The following SCAMP1 variants were observed in gnomAD, a reference collection of about 807,000 sequenced individuals.
SCAMP1 encodes secretory carrier membrane protein 1.
In SCAMP1, 15 loss-of-function variants were observed where a neutral mutation model predicts 41.8. The observed-to-expected ratio is 0.36, with a 90% CI of 0.24 to 0.55. The LOEUF (loss-of-function observed/expected upper bound fraction) is 0.55, where lower values mean the gene tolerates loss of function less well. SCAMP1 is among the 20% of genes least tolerant of loss of function. The probability of loss-of-function intolerance (pLI) is 0.86; values close to 1 mark genes in which losing one functional copy is unlikely to be tolerated. For synonymous variants in SCAMP1, 135 were observed against 136.8 expected (o/e 0.99, Z 0.09); for missense variants, 341 against 412.6 (o/e 0.83, Z 1.50).
At chr5:78,422,374 T>C (rs1194907914) in intron 6 of SCAMP1, among the ~76,000 whole-genome samples, 1 of 152,008 alleles carries the variant, frequency 6.6e-6, no homozygotes, top group Non-Finnish European at 1.5e-5. Context: ...ATATTTAAAA[T>C]GAGCCATTTG....
intron 6 of SCAMP1, among the ~76,000 whole-genome samples, chr5:78,437,891 A>C (rs1161977732): frequency 1.3e-5 from 2 of 152,032 alleles, no homozygotes; most frequent in Non-Finnish European, 2.9e-5. Context: ...TCAATTTCAG[A>C]GCCTGTTATT....
chr5:78,439,641 CTTTACA>C (rs1462385131), intron 6 of SCAMP1, among the ~76,000 whole-genome samples: 1 of 152,142 alleles, frequency 6.6e-6, no homozygotes, highest in African/African-American at 2.4e-5. Context: ...TCTGGCTGCC[CTTTACA>C]TTTTTTCCTT....
intron 1 of SCAMP1, among the ~76,000 whole-genome samples, chr5:78,361,593 A>G (rs189685050): frequency 1.3e-5 from 2 of 152,336 alleles, no homozygotes; most frequent in East Asian, 3.9e-4. Flanking sequence ...GGCGGCTGAG[A>G]TATTCATCGT....
At chr5:78,459,213 T>A (rs752622573) in intron 7 of SCAMP1, 32 bp from the exon 8 acceptor site, 5 of 990,864 alleles carry the variant, frequency 5.0e-6, no homozygotes, top group Non-Finnish European at 8.0e-6. Context: ...TACATCAACT[T>A]TTGCCTAATT....
intron 1 of SCAMP1, among the ~76,000 whole-genome samples, chr5:78,376,079 C>T (rs4551047): frequency 0.46 from 70,211 of 151,952 alleles, 16,754 homozygotes; most frequent in East Asian, 0.61. Context: ...TAATAAAAAC[C>T]TGCTGGTTTT....
chr5:78,455,250 T>G (rs1180707886), intron 7 of SCAMP1, among the ~76,000 whole-genome samples: 1 of 149,762 alleles, frequency 6.7e-6, no homozygotes, highest in African/African-American at 2.5e-5. Context: ...TGCCCTTGCT[T>G]TTCTAGTTCT....
At chr5:78,375,196 A>G (rs1010449304) in intron 1 of SCAMP1, among the ~76,000 whole-genome samples, 3 of 152,152 alleles carry the variant, frequency 2.0e-5, no homozygotes, top group Admixed American at 6.5e-5. Context: ...AAGCAGAGCT[A>G]TTGAAGAGTA....
At chr5:78,436,481 A>G (rs559607282) in intron 6 of SCAMP1, among the ~76,000 whole-genome samples, 6 of 152,222 alleles carry the variant, frequency 3.9e-5, no homozygotes, top group Admixed American at 2.0e-4. Flanking sequence ...TAAATAGGGA[A>G]TCCTTTCCCC....
At chr5:78,397,520 A>G (rs1751682119) in intron 2 of SCAMP1, among the ~76,000 whole-genome samples, 1 of 152,238 alleles carries the variant, frequency 6.6e-6, no homozygotes, top group South Asian at 2.1e-4. Flanking sequence ...GAGCACTATC[A>G]AGAGAGTGAA....
At chr5:78,378,289 A>G (rs919427885) in intron 1 of SCAMP1, among the ~76,000 whole-genome samples, 2 of 152,262 alleles carry the variant, frequency 1.3e-5, no homozygotes, top group Non-Finnish European at 2.9e-5. Context: ...TAGCTTAAAA[A>G]TGACATATGT....
rs1436574466 is a variant in SCAMP1 at position 78,442,093 on chromosome 5, C to T, written c.633-7840C>T. The stretch of plus-strand genomic sequence containing the variant: ...GCAGTGAGCTGTGATCATGCTGCTG[C>T]ACTCTAGACTGGGTGACATAGTAAG... On this transcript the variant is annotated intron_variant, in intron 6 of 8. Coordinates refer to ENST00000621999, the MANE Select transcript of SCAMP1 (RefSeq NM_004866.6). Among the ~76,000 whole-genome samples the T allele has an allele frequency of 2.0e-5, 3 of 152,084 alleles. No homozygotes were observed. The East Asian group carries it at 5.8e-4, about 29-fold the overall frequency.
intron 6 of SCAMP1, among the ~76,000 whole-genome samples, chr5:78,445,439 G>A (rs180742815): frequency 1.9e-3 from 292 of 152,294 alleles, no homozygotes; most frequent in African/African-American, 6.7e-3. Context: ...ATACTTTATC[G>A]TAAACTGAGG....
At chr5:78,371,489 G>A (rs888865791) in intron 1 of SCAMP1, among the ~76,000 whole-genome samples, 2 of 152,092 alleles carry the variant, frequency 1.3e-5, no homozygotes, top group African/African-American at 4.8e-5. Context: ...TCTTGCAAAG[G>A]AGATGAAATA....
intron 1 of SCAMP1, among the ~76,000 whole-genome samples, chr5:78,366,183 G>T (rs924509768): frequency 7.0e-6 from 1 of 143,394 alleles, no homozygotes; most frequent in Non-Finnish European, 1.5e-5. Flanking sequence ...TTGCTCTGTC[G>T]CCCAGGCTGG....
At chr5:78,438,741 A>G (rs1206025730) in intron 6 of SCAMP1, among the ~76,000 whole-genome samples, 2 of 152,202 alleles carry the variant, frequency 1.3e-5, no homozygotes, top group African/African-American at 4.8e-5. Flanking sequence ...CGCTTGGTGC[A>G]GAGCTGAGTT....
chr5:78,421,702 G>A, intron 5 of SCAMP1, 99 bp from the exon 6 acceptor site: 2 of 968,978 alleles, frequency 2.1e-6, no homozygotes, highest in South Asian at 3.2e-5. Context: ...GAATACATTT[G>A]CTCTTAGGAA....
At chr5:78,458,335 CTTT>C (rs1439017936) in intron 7 of SCAMP1, among the ~76,000 whole-genome samples, 1 of 152,176 alleles carries the variant, frequency 6.6e-6, no homozygotes, top group Non-Finnish European at 1.5e-5. Flanking sequence ...GTGGTTATTA[CTTT>C]TTATTTTAGC....
At chr5:78,444,791 A>G (rs1256803589) in intron 6 of SCAMP1, among the ~76,000 whole-genome samples, 2 of 152,222 alleles carry the variant, frequency 1.3e-5, no homozygotes, top group African/African-American at 2.4e-5. Context: ...GGTATCAACA[A>G]GTAATGTTTA....
intron 2 of SCAMP1, among the ~76,000 whole-genome samples, chr5:78,410,104 G>A (rs568223423): frequency 2.0e-5 from 3 of 148,188 alleles, no homozygotes; most frequent in East Asian, 4.1e-4. Context: ...TTAAGGTGCC[G>A]GGAACTCTTT....
Sources: allele counts gnomAD v4.1 joint callset (sites outside exome capture counted in the v4.1 genomes callset), GRCh38; gene constraint gnomAD v4.1.1; transcripts MANE v1.5; gene names NCBI Gene and HGNC (gene_info 2026-07-23, HGNC 2026-07-21).